NEIL2: variants seen among roughly 807,000 people sequenced by gnomAD.
The protein encoded by NEIL2 is endonuclease 8-like 2.
A neutral mutation model predicts 22.2 loss-of-function variants in NEIL2; 23 were observed. That is an observed-to-expected ratio of 1.04 (90% CI 0.75 to 1.47). The LOEUF is 1.47. Ranked by LOEUF, NEIL2 falls within the 40% of genes most tolerant of loss-of-function variation. NEIL2 has a pLI of 0.00. For missense variants in NEIL2, 583 were observed against 404.7 expected (o/e 1.44, Z -3.78); for synonymous variants, 229 against 164.8 (o/e 1.39, Z -2.99).
In NEIL2 at chr8:11,771,595, T is replaced by C; in HGVS notation, c.138+10T>C. The stretch of plus-strand genomic sequence containing the variant: ...GCTCCAGGACACCCAGGTGAGGTAA[T>C]ACTCCTCTGAAGGGTTGGCTCTGTC... On this transcript the variant is annotated intron_variant, in intron 2 of 4. Transcript: ENST00000284503. 2 of 1,612,746 alleles carry C rather than the reference T, an allele frequency of 1.2e-6. No homozygotes were observed. Among genetic ancestry groups the C allele is most frequent in the Admixed American group, 3.3e-5 (2 of 59,948 alleles).
At position 11,786,566 on chromosome 8, in the gene NEIL2, A is replaced by G. The variant is rs1022286116; in HGVS notation, c.*293A>G. 33 of 480,568 alleles carry G rather than the reference A, an allele frequency of 6.9e-5. No homozygotes were observed. Among genetic ancestry groups the G allele is most frequent in the Admixed American group, 6.4e-4 (19 of 29,580 alleles). The allele number at this position is 480,568 out of a possible 1,614,324, so 29.8% of individuals were successfully genotyped here. A position where few individuals can be genotyped will look rare whatever the true frequency, so the allele number is the denominator to read the frequency against. ...AAAACTTCCCGGAAGGCAATGGGGC[A>G]AGGAAAAAGAAAGCCTATGGGAAAT... On this transcript the variant is annotated 3_prime_UTR_variant, in exon 5 of 5. Coordinates refer to ENST00000284503, the MANE Select transcript of NEIL2 (RefSeq NM_145043.4).
At chr8:11,771,414 C>T (rs1172091446) in intron 1 of NEIL2, 32 bp from the exon 2 acceptor site, 1 of 1,612,438 alleles carries the variant, frequency 6.2e-7, no homozygotes, top group South Asian at 1.1e-5. Flanking sequence ...TGAGCTAAGT[C>T]GGTGGCCTCT....
intron 4 of NEIL2, among the ~76,000 whole-genome samples, chr8:11,785,506 A>G: frequency 6.6e-6 from 1 of 152,198 alleles, no homozygotes; most frequent in South Asian, 2.1e-4. Context: ...AAATAATAAC[A>G]ACAGTTAATA....
intron 2 of NEIL2, among the ~76,000 whole-genome samples, chr8:11,772,202 C>CAA (rs397781360): frequency 5.3e-5 from 8 of 151,470 alleles, no homozygotes; most frequent in East Asian, 3.9e-4. Flanking sequence ...GACTCCGTCT[C>CAA]AAAAAAAAGA....
intron 2 of NEIL2, among the ~76,000 whole-genome samples, 196 bp from the exon 3 acceptor site, chr8:11,779,402 C>G (rs1462378681): frequency 6.6e-6 from 1 of 152,202 alleles, no homozygotes; most frequent in Non-Finnish European, 1.5e-5. Flanking sequence ...TCCTTGCTCC[C>G]AGTCACTTTG....
chr8:11,778,840 T>A (rs139084361), intron 2 of NEIL2, among the ~76,000 whole-genome samples: 1 of 147,578 alleles, frequency 6.8e-6, no homozygotes, highest in African/African-American at 2.5e-5. Context: ...CAGTCCCAGC[T>A]ACTTGGGAAG....
chr8:11,775,377 C>G (rs1401062599), intron 2 of NEIL2, among the ~76,000 whole-genome samples: 1 of 152,218 alleles, frequency 6.6e-6, no homozygotes, highest in Non-Finnish European at 1.5e-5. Flanking sequence ...GGCTAGGACA[C>G]AGGGCACCAA....
chr8:11,777,513 C>G (rs972843006), intron 2 of NEIL2, among the ~76,000 whole-genome samples: 7 of 152,146 alleles, frequency 4.6e-5, no homozygotes, highest in Admixed American at 6.6e-5. Context: ...AGACTCCATA[C>G]CTGTTGAACG....
Position 11,786,801 on chromosome 8 carries a change from C to G in NEIL2, c.*528C>G, listed in dbSNP as rs982414868. The G allele has an allele frequency of 1.2e-5, 2 of 163,862 alleles. No homozygotes were observed. The highest frequency in any genetic ancestry group is 4.8e-5 in the African/African-American group (2 of 41,456). The allele number at this position is 163,862 out of a possible 1,614,324, so 10.2% of individuals were successfully genotyped here. A position where few individuals can be genotyped will look rare whatever the true frequency, so the allele number is the denominator to read the frequency against. On this transcript the variant is annotated 3_prime_UTR_variant, in exon 5 of 5. Transcript: ENST00000284503. The stretch of plus-strand genomic sequence containing the variant: ...TACAGGCATGTGATATGATGCTCGG[C>G]TGATTTTTGTTTACTTTTTAGAGAG...
chr8:11,777,732 T>C (rs1804034430), intron 2 of NEIL2, among the ~76,000 whole-genome samples: 1 of 152,270 alleles, frequency 6.6e-6, no homozygotes, highest in Admixed American at 6.5e-5. Context: ...TGTAATCTAA[T>C]TTTGCTGCTA....
In NEIL2 at chr8:11,771,581, C is replaced by T. The variant is rs1803444493; in HGVS notation, c.134C>T (p.Thr45Ile). The T allele has an allele frequency of 6.2e-7, 1 of 1,613,728 alleles. No individual in the cohort carries two copies. Among genetic ancestry groups the T allele is most frequent in the African/African-American group, 1.3e-5 (1 of 75,020 alleles). ...ASLQSLWLQD[T>I]QVHGKKLFLR... is the part of the protein sequence containing the mutation. ...CTGCAGTCTCTGTGGCTCCAGGACA[C>T]CCAGGTGAGGTAATACTCCTCTGAA... The change falls in exon 2 of 5, where the codon ACC (threonine) becomes ATC (isoleucine). Residue 45 changes from threonine to isoleucine, a missense_variant. Coordinates refer to ENST00000284503, the MANE Select transcript of NEIL2 (RefSeq NM_145043.4).
Position 11,786,272 on chromosome 8 carries a change from A to T in NEIL2, c.998A>T (p.Ter333LeuextTer18), listed in dbSNP as rs994113793. 1.7e-5 allele frequency: 27 copies of T among 1,610,684 alleles called. No individual in the cohort carries two copies. Among genetic ancestry groups the T allele is most frequent in the Non-Finnish European group, 2.3e-5 (27 of 1,179,512 alleles). Residue 333 changes from the stop codon to leucine (L), a stop_lost, in exon 5 of 5, where the codon TAA becomes TTA. Coordinates refer to ENST00000284503, the MANE Select transcript of NEIL2 (RefSeq NM_145043.4). ...SEEPEQCQFS[*>L] is the part of the protein sequence containing the mutation. ...GAGCCAGAGCAGTGCCAGTTCTCCT[A>T]AGGAGCTGGTGGTGCTCCTCACGGA...
Position 11,786,397 on chromosome 8 carries a change from A to G in NEIL2, c.*124A>G. ...AGTGTGGGTCAGAGGTGCCAGTAGT[A>G]TAATATTCGTCTCCCTGGAGTTATG... is the stretch of plus-strand genomic sequence containing the variant. On this transcript the variant is annotated 3_prime_UTR_variant, in exon 5 of 5. Coordinates refer to ENST00000284503, the MANE Select transcript of NEIL2 (RefSeq NM_145043.4). The G allele has an allele frequency of 1.1e-6, 1 of 912,204 alleles. No homozygotes were observed. The highest frequency in any genetic ancestry group is 1.8e-6 in the Non-Finnish European group (1 of 567,680). The allele number at this position is 912,204 out of a possible 1,614,324, so 56.5% of individuals were successfully genotyped here.
intron 2 of NEIL2, among the ~76,000 whole-genome samples, chr8:11,775,866 C>G (rs1397476975): frequency 3.3e-5 from 5 of 152,264 alleles, no homozygotes; most frequent in African/African-American, 9.6e-5. Context: ...GTCCATATCA[C>G]TATCAGCATT....
intron 2 of NEIL2, among the ~76,000 whole-genome samples, chr8:11,772,541 G>C (rs1207265575): frequency 6.6e-6 from 1 of 152,212 alleles, no homozygotes; most frequent in Non-Finnish European, 1.5e-5. Flanking sequence ...TAGGTGGGAA[G>C]GAGACTCCAT....
chr8:11,778,696 A>T (rs1804118798), intron 2 of NEIL2, among the ~76,000 whole-genome samples: 1 of 151,742 alleles, frequency 6.6e-6, no homozygotes, highest in South Asian at 2.1e-4. Context: ...TCATGCCTGG[A>T]ATCCCAACAC....
Position 11,779,583 on chromosome 8 carries a change from G to C in NEIL2, c.139-15G>C. 1 of 1,587,636 alleles carries C rather than the reference G, an allele frequency of 6.3e-7. No individual in the cohort carries two copies. The highest frequency in any genetic ancestry group is 8.6e-7 in the Non-Finnish European group (1 of 1,158,726). ...CTGGGTCTGTAAGGCTTGGATCTCT[G>C]TTCATTTTTTCTAGGTCCATGGAAA... On this transcript the variant is annotated splice_polypyrimidine_tract_variant and intron_variant, in intron 2 of 4. Coordinates refer to ENST00000284503, the MANE Select transcript of NEIL2 (RefSeq NM_145043.4).
chr8:11,785,823 A>C (rs1804875986), intron 4 of NEIL2, 140 bp from the exon 5 acceptor site: 1 of 791,356 alleles, frequency 1.3e-6, no homozygotes, highest in African/African-American at 1.7e-5. Context: ...ACAGACAGAG[A>C]AATGGAGTCA....
At chr8:11,785,914 A>G (rs1026190722) in intron 4 of NEIL2, 49 bp from the exon 5 acceptor site, 1 of 1,567,876 alleles carries the variant, frequency 6.4e-7, no homozygotes, top group Non-Finnish European at 8.8e-7. Context: ...TGGTTTCATC[A>G]TGCCATGTGT....
Sources: allele counts gnomAD v4.1 joint callset (sites outside exome capture counted in the v4.1 genomes callset), GRCh38; gene constraint gnomAD v4.1.1; transcripts MANE v1.5; gene names NCBI Gene and HGNC (gene_info 2026-07-23, HGNC 2026-07-21).